TECPR2: variants seen among roughly 807,000 people sequenced by gnomAD.
TECPR2 encodes tectonin beta-propeller repeat-containing protein 2.
Under a neutral mutation model 138.1 loss-of-function variants are expected in TECPR2, and 65 were observed. The observed-to-expected ratio is 0.47, with a 90% confidence interval of 0.39 to 0.58. TECPR2 has a LOEUF of 0.58. Ranked by LOEUF, TECPR2 falls within the 20% of genes least tolerant of loss-of-function variation. TECPR2 has a pLI of 0.00. For missense variants in TECPR2, 1,553 were observed against 1,824.5 expected (o/e 0.85, Z 2.71); for synonymous variants, 746 against 749.8 (o/e 0.99, Z 0.08).
chr14:102,365,645 A>G (rs761598134), intron 1 of TECPR2, among the ~76,000 whole-genome samples: 1 of 152,348 alleles, frequency 6.6e-6, no homozygotes, highest in Non-Finnish European at 1.5e-5. Flanking sequence ...ATATGATTCA[A>G]TTTTGATGAA....
intron 1 of TECPR2, among the ~76,000 whole-genome samples, chr14:102,366,341 AT>A (rs948848982): frequency 1.6e-4 from 24 of 151,976 alleles, no homozygotes; most frequent in Non-Finnish European, 3.2e-4. Context: ...TATTCATTAT[AT>A]TTTTATTTAT....
At chr14:102,490,792 C>T (rs536066052) in intron 17 of TECPR2, among the ~76,000 whole-genome samples, 47 of 152,346 alleles carry the variant, frequency 3.1e-4, no homozygotes, top group Admixed American at 2.9e-3. Flanking sequence ...GCGTCCGGAA[C>T]GGGGTTCTTG....
chr14:102,493,651 G>A (rs962802521), intron 17 of TECPR2, among the ~76,000 whole-genome samples: 6 of 152,198 alleles, frequency 3.9e-5, no homozygotes, highest in Non-Finnish European at 5.9e-5. Flanking sequence ...CCTTGAGTGC[G>A]CTCCAGGTGG....
In TECPR2 at chr14:102,431,538, T is replaced by C. The variant is rs183472345; in HGVS notation, c.1085-258T>C. 4.5e-3 allele frequency among the ~76,000 whole-genome samples: 681 copies of C among 152,182 alleles called. 6 individuals are homozygous for C. The highest frequency in any genetic ancestry group is 0.016 in the African/African-American group (659 of 41,540). On this transcript the variant is annotated intron_variant, in intron 7 of 19. Coordinates refer to ENST00000359520, the MANE Select transcript of TECPR2 (RefSeq NM_014844.5). ...TTTGTATTTTTAGTAGAGACGGGGT[T>C]TCACTGTGTTAGCCAGGATGGTCTT... is the stretch of plus-strand genomic sequence containing the variant.
intron 5 of TECPR2, among the ~76,000 whole-genome samples, chr14:102,422,007 G>A (rs1230664242): frequency 2.0e-5 from 3 of 152,090 alleles, no homozygotes; most frequent in Admixed American, 6.6e-5. Flanking sequence ...GAGAAATAAC[G>A]AGAACTCAGA....
chr14:102,371,562 C>G (rs1887509804), intron 1 of TECPR2, among the ~76,000 whole-genome samples: 1 of 149,064 alleles, frequency 6.7e-6, no homozygotes, highest in Admixed American at 6.6e-5. Context: ...CATGGCTGTC[C>G]TGACTCATCT....
Position 102,438,027 on chromosome 14 carries a change from A to G in TECPR2, c.2400A>G (p.Ala800=). 6.2e-7 allele frequency: 1 copy of G among 1,613,344 alleles called. No homozygotes were observed. Among genetic ancestry groups the G allele is most frequent in the Non-Finnish European group, 8.5e-7 (1 of 1,179,716 alleles). The change falls in exon 10 of 20, where the codon GCA becomes GCG. Residue 800 remains alanine (A), a synonymous_variant. Coordinates refer to ENST00000359520, the MANE Select transcript of TECPR2 (RefSeq NM_014844.5). The part of the protein sequence containing the change: ...DAGLLKPDQF[A]ESWMGYSGPG... ...ACTGGCTCTTCCCTTGTTAGTTTGC[A>G]GAAAGCTGGATGGGCTACTCGGGTC...
intron 15 of TECPR2, 70 bp from the exon 16 acceptor site, chr14:102,452,324 C>T: frequency 1.3e-6 from 2 of 1,486,130 alleles, no homozygotes; most frequent in South Asian, 1.2e-5. Context: ...GCAAAGGCTG[C>T]CTTGTGCATT....
intron 2 of TECPR2, among the ~76,000 whole-genome samples, chr14:102,405,523 C>T (rs1239635333): frequency 6.6e-6 from 1 of 152,018 alleles, no homozygotes; most frequent in African/African-American, 2.4e-5. Context: ...AAGGAAATAA[C>T]AAGGGTTGGT....
intron 5 of TECPR2, among the ~76,000 whole-genome samples, chr14:102,421,966 A>T (rs1889196005): frequency 6.6e-6 from 1 of 152,184 alleles, no homozygotes; most frequent in Non-Finnish European, 1.5e-5. Context: ...GCTGAACTGA[A>T]ATGCTTACAT....
Position 102,415,511 on chromosome 14 carries a change from C to T in TECPR2, c.638+718C>T, listed in dbSNP as rs1367846336. Among the ~76,000 whole-genome samples the T allele has an allele frequency of 6.6e-6, 1 of 152,042 alleles. No homozygotes were observed. The highest frequency in any genetic ancestry group is 1.5e-5 in the Non-Finnish European group (1 of 68,014). ...CCTGGGGAACCTGTAATTCATCATC[C>T]CACCCTAGCCTGTAAAGCACTCTTG... On this transcript the variant is annotated intron_variant, in intron 5 of 19. Coordinates refer to ENST00000359520, the MANE Select transcript of TECPR2 (RefSeq NM_014844.5). This position sits in a 1 kb window ranked among gnomAD's most constrained non-coding sequence, Gnocchi z 4.3.
At chr14:102,479,677 C>A (rs1041265780) in intron 17 of TECPR2, among the ~76,000 whole-genome samples, 3 of 152,164 alleles carry the variant, frequency 2.0e-5, no homozygotes, top group Admixed American at 6.5e-5. Context: ...GCAGAAGAAG[C>A]CAATCCATGC....
rs769582571 is a variant in TECPR2, at chr14:102,498,901, TCAC to T, written c.*648_*650del. ...ACCTCACCTCACACCACAGCACACC[TCAC>T]CACACCACACCGCACTGCACCATAC... On this transcript the variant is annotated 3_prime_UTR_variant, in exon 20 of 20. Transcript: ENST00000359520. 91 of 679,956 alleles carry T rather than the reference TCAC, an allele frequency of 1.3e-4. No homozygotes were observed. The highest frequency in any genetic ancestry group is 2.3e-4 in the Middle Eastern group (1 of 4,256). The allele number at this position is 679,956 out of a possible 1,614,324, so 42.1% of individuals were successfully genotyped here.
rs1192587017 is a variant in TECPR2, at chr14:102,414,638, G to T, written c.483G>T (p.Gly161=). 6.2e-7 allele frequency: 1 copy of T among 1,614,116 alleles called. No homozygotes were observed. Among genetic ancestry groups the T allele is most frequent in the East Asian group, 2.2e-5 (1 of 44,892 alleles). Residue 161 remains glycine (G), a splice_region_variant and synonymous_variant, in exon 5 of 20, where the codon GGG becomes GGT. Transcript: ENST00000359520. Reference sequence around the variant, plus strand: ...TGTAACCAGACTTTCTCTGCCAGGGGCTCTGTAACTCCCAGCTGGTGTTGG... The same window carrying T: ...TGTAACCAGACTTTCTCTGCCAGGGTCTCTGTAACTCCCAGCTGGTGTTGG... ...IVYSSLDLDQ[G]LCNSQLVLEE...
chr14:102,461,126 G>C (rs1410718205), intron 16 of TECPR2, among the ~76,000 whole-genome samples: 1 of 152,168 alleles, frequency 6.6e-6, no homozygotes, highest in Non-Finnish European at 1.5e-5. Flanking sequence ...CCAAGTTGTA[G>C]CAGTTGAATA....
chr14:102,496,116 C>T (rs1364423989), intron 17 of TECPR2, among the ~76,000 whole-genome samples: 5 of 152,260 alleles, frequency 3.3e-5, no homozygotes, highest in Non-Finnish European at 7.3e-5. Flanking sequence ...GTGGCCCACT[C>T]GGTCCCATGG....
intron 17 of TECPR2, among the ~76,000 whole-genome samples, chr14:102,472,393 G>A (rs1199334024): frequency 6.6e-6 from 1 of 152,196 alleles, no homozygotes; most frequent in East Asian, 1.9e-4. Flanking sequence ...TGACTGTGGT[G>A]ATCAACAGCT....
chr14:102,425,564 TTTGTTGTTGTTGTTG>T (rs35980535), intron 6 of TECPR2, among the ~76,000 whole-genome samples: 9 of 151,684 alleles, frequency 5.9e-5, no homozygotes, highest in Non-Finnish European at 1.3e-4. Context: ...ACTTGTTCTT[TTTGTTGTTGTTGTTG>T]TTGTTGTTGT....
chr14:102,466,658 T>G (rs1163893505), intron 17 of TECPR2, among the ~76,000 whole-genome samples: 1 of 152,212 alleles, frequency 6.6e-6, no homozygotes, highest in Non-Finnish European at 1.5e-5. Context: ...ATTTTTCCTT[T>G]TAAGTTACAA....
Sources: gnomAD v4.1 joint callset for allele counts (sites outside exome capture counted in the v4.1 genomes callset) on GRCh38, gnomAD v4.1.1 for gene constraint, Gnocchi (gnomAD v3.1) non-coding constraint, MANE v1.5 for transcripts, NCBI Gene and HGNC (gene_info 2026-07-23, HGNC 2026-07-21) for gene names.